Variants in CACNA1E observed in about 807,000 individuals in gnomAD.
CACNA1E encodes the protein voltage-dependent R-type calcium channel subunit alpha-1E.
A neutral mutation model predicts 259.2 loss-of-function variants in CACNA1E; 40 were observed. That is an observed-to-expected ratio of 0.15 (90% confidence interval 0.12 to 0.20). CACNA1E has a LOEUF of 0.20. Among genes scored for constraint, CACNA1E ranks in the 10% least tolerant of loss-of-function variants. The pLI is 1.00. For synonymous variants in CACNA1E, 1,104 were observed against 1,138.5 expected, an observed-to-expected ratio of 0.97 and a Z score of 0.61; for missense variants, 1,874 against 3,040.1, an observed-to-expected ratio of 0.62 and a Z score of 9.02.
At chr1:181,679,033 G>A (rs1649659412) in intron 7 of CACNA1E, among the ~76,000 whole-genome samples, 1 of 152,044 alleles carries the variant, frequency 6.6e-6, no homozygotes, top group African/African-American at 2.4e-5. Flanking sequence ...TCTTCCTCAT[G>A]GTCTTTCACA....
chr1:181,566,099 G>A (rs1649799796), intron 3 of CACNA1E, among the ~76,000 whole-genome samples: 1 of 152,238 alleles, frequency 6.6e-6, no homozygotes, highest in African/African-American at 2.4e-5. Context: ...AAGCTCTGCA[G>A]AGAGGCAACT....
chr1:181,427,541 C>T (rs1173347055), intron 2 of CACNA1E, among the ~76,000 whole-genome samples: 1 of 146,810 alleles, frequency 6.8e-6, no homozygotes, highest in Non-Finnish European at 1.5e-5. Context: ...CCATCTCAAC[C>T]CCTCCCCAAC....
intron 3 of CACNA1E, among the ~76,000 whole-genome samples, chr1:181,538,996 C>A (rs1668376763): frequency 6.6e-6 from 1 of 152,222 alleles, no homozygotes; most frequent in South Asian, 2.1e-4. Context: ...CCTGACCTGA[C>A]CACATGCAGC....
chr1:181,467,617 A>G (rs1241500436), intron 2 of CACNA1E, among the ~76,000 whole-genome samples: 1 of 152,156 alleles, frequency 6.6e-6, no homozygotes, highest in Non-Finnish European at 1.5e-5. Flanking sequence ...GTGCAGGCCT[A>G]TGAGACCATC....
In CACNA1E at chr1:181,774,520, C is replaced by T. The variant is rs77796239; in HGVS notation, c.5140-1581C>T. ...AAGGCAGGCAGTCTGTTTATGGTGG[C>T]TCCAAAGGGGTGTTGGGGCCCCAGA... On this transcript the variant is annotated intron_variant, in intron 37 of 47. Transcript: ENST00000367573. 1.3e-3 allele frequency among the ~76,000 whole-genome samples: 196 copies of T among 152,342 alleles called. 2 individuals carry two copies. The highest frequency in any genetic ancestry group is 2.4e-3 in the Non-Finnish European group (161 of 68,028).
At chr1:181,553,477 A>G (rs1258725197) in intron 3 of CACNA1E, among the ~76,000 whole-genome samples, 3 of 152,170 alleles carry the variant, frequency 2.0e-5, no homozygotes, top group African/African-American at 4.8e-5. Flanking sequence ...CTCTCTTCCT[A>G]TGTGAATACC....
chr1:181,503,190 G>A (rs1422323540), intron 1 of CACNA1E, among the ~76,000 whole-genome samples: 4 of 152,298 alleles, frequency 2.6e-5, no homozygotes, highest in East Asian at 1.9e-4. Context: ...TTATGTCTTC[G>A]GCATTACTCG....
intron 1 of CACNA1E, among the ~76,000 whole-genome samples, chr1:181,348,533 C>T (rs952425966): frequency 1.3e-5 from 2 of 152,158 alleles, no homozygotes; most frequent in African/African-American, 4.8e-5. Flanking sequence ...CACTGAGTCT[C>T]CAGATCTCAT....
chr1:181,347,155 G>T (rs1456174919), intron 1 of CACNA1E, among the ~76,000 whole-genome samples: 1 of 152,142 alleles, frequency 6.6e-6, no homozygotes, highest in Non-Finnish European at 1.5e-5. Context: ...TCGAAGAATG[G>T]CCACCACACT....
intron 1 of CACNA1E, among the ~76,000 whole-genome samples, chr1:181,487,876 A>T (rs1275394062): frequency 6.6e-6 from 1 of 152,022 alleles, no homozygotes; most frequent in African/African-American, 2.4e-5. Context: ...TTCCCCCCAC[A>T]CCTCCATCGC....
chr1:181,562,214 T>C (rs755851309), intron 3 of CACNA1E, among the ~76,000 whole-genome samples: 38 of 152,296 alleles, frequency 2.5e-4, no homozygotes, highest in Non-Finnish European at 4.9e-4. Context: ...AATAATTTCC[T>C]AAAGCTACTA....
In CACNA1E at chr1:181,630,392, A is replaced by G. The variant is rs11583538; in HGVS notation, c.952-20946A>G. Among the ~76,000 whole-genome samples the G allele has an allele frequency of 2.4e-3, 340 of 140,970 alleles. 6 individuals carry two copies. The highest frequency in any genetic ancestry group is 8.7e-3 in the African/African-American group (307 of 35,164). 92.5% of individuals were successfully genotyped at this position (140,970 alleles called of 152,430 possible). On this transcript the variant is annotated intron_variant, in intron 6 of 47. Transcript: ENST00000367573. Reference sequence around the variant, plus strand: ...AGCAGTGTAATTAACATGCCCCCCCACCCCGCCTTAAAACCTAATATTCAT... The same window carrying G: ...AGCAGTGTAATTAACATGCCCCCCCGCCCCGCCTTAAAACCTAATATTCAT...
intron 6 of CACNA1E, among the ~76,000 whole-genome samples, chr1:181,630,791 C>G (rs1005129205): frequency 6.6e-6 from 1 of 152,120 alleles, no homozygotes; most frequent in African/African-American, 2.4e-5. Flanking sequence ...TTGAATGGTC[C>G]TACAAGACTT....
intron 7 of CACNA1E, among the ~76,000 whole-genome samples, chr1:181,685,235 T>TTG (rs1234395558): frequency 1.7e-5 from 2 of 116,772 alleles, no homozygotes; most frequent in African/African-American, 5.9e-5. Context: ...TTTAAGTTTT[T>TTG]TTTTTTTTTT....
At chr1:181,396,806 G>A (rs887834029) in intron 1 of CACNA1E, among the ~76,000 whole-genome samples, 17 of 152,152 alleles carry the variant, frequency 1.1e-4, no homozygotes, top group African/African-American at 3.9e-4. Context: ...AGAGACAAGA[G>A]GTATCAGATC....
chr1:181,563,841 C>T (rs920239558), intron 3 of CACNA1E, among the ~76,000 whole-genome samples: 3 of 152,156 alleles, frequency 2.0e-5, no homozygotes, highest in Admixed American at 1.3e-4. Flanking sequence ...AAACAAATAT[C>T]TCAAGAAAGT....
rs1655566054 is a variant in CACNA1E, at chr1:181,732,342, C to T, written c.2298-42C>T. 2.0e-6 allele frequency: 3 copies of T among 1,468,730 alleles called. No homozygotes were observed. Among genetic ancestry groups the T allele is most frequent in the South Asian group, 1.4e-5 (1 of 69,588 alleles). 91.0% of individuals were successfully genotyped at this position (1,468,730 alleles called of 1,614,324 possible). ...CTGTGGCCACCCTCCCTGCCTGCAG[C>T]TTCTGGGCTCTGACCGCGGCCCTGC... On this transcript the variant is annotated intron_variant, in intron 19 of 47. Transcript: ENST00000367573. The surrounding 1 kb of genome is among the most constrained non-coding windows in gnomAD (Gnocchi z 5.5).
At chr1:181,373,323 T>G (rs1654836942) in intron 1 of CACNA1E, among the ~76,000 whole-genome samples, 1 of 152,108 alleles carries the variant, frequency 6.6e-6, no homozygotes, top group Non-Finnish European at 1.5e-5. Flanking sequence ...CTCATTATGG[T>G]CTGTTCAGGA....
intron 2 of CACNA1E, among the ~76,000 whole-genome samples, chr1:181,422,743 G>T (rs1299946117): frequency 6.6e-6 from 1 of 152,118 alleles, no homozygotes; most frequent in Non-Finnish European, 1.5e-5. Context: ...TCTCCTTGAT[G>T]TCTGGTTCCT....
Sources: gnomAD v4.1 joint callset for allele counts (sites outside exome capture counted in the v4.1 genomes callset) on GRCh38, gnomAD v4.1.1 for gene constraint, Gnocchi (gnomAD v3.1) non-coding constraint, MANE v1.5 for transcripts, NCBI Gene and HGNC (gene_info 2026-07-23, HGNC 2026-07-21) for gene names.